KLF12: variants seen among roughly 807,000 people sequenced by gnomAD.
KLF12 encodes the protein Krueppel-like factor 12.
A neutral mutation model predicts 37.8 loss-of-function variants in KLF12; 9 were observed. The ratio of observed to expected loss-of-function variants is 0.24; its 90% CI spans 0.14 to 0.42. The LOEUF (loss-of-function observed/expected upper bound fraction) is 0.42, where lower values mean the gene tolerates loss of function less well. Ranked by LOEUF, KLF12 falls within the 10% of genes least tolerant of loss-of-function variation. KLF12 has a pLI of 1.00. For missense variants in KLF12, 411 were observed against 516.0 expected (o/e 0.80, Z 1.97); for synonymous variants, 208 against 202.1 (o/e 1.03, Z -0.25).
chr13:73,723,049 TA>T (rs1394085344), intron 6 of KLF12, among the ~76,000 whole-genome samples: 6 of 152,332 alleles, frequency 3.9e-5, no homozygotes, highest in African/African-American at 1.4e-4. Context: ...TGTTTCAACA[TA>T]TTTCAGCAAG....
chr13:73,708,404 T>C (rs1039037883), intron 7 of KLF12, among the ~76,000 whole-genome samples: 1 of 152,204 alleles, frequency 6.6e-6, no homozygotes, highest in Non-Finnish European at 1.5e-5. Context: ...AAAAATTTGA[T>C]TTTATCTTTA....
At chr13:74,279,869 T>A in the KLF12 span, among the ~76,000 whole-genome samples, 1 of 152,174 alleles carries the variant, frequency 6.6e-6, no homozygotes, top group African/African-American at 2.4e-5. Flanking sequence ...TTCTCATGGT[T>A]AAAGGGGATC....
the KLF12 span, among the ~76,000 whole-genome samples, chr13:74,143,610 T>C: frequency 6.6e-6 from 1 of 152,206 alleles, no homozygotes; most frequent in Non-Finnish European, 1.5e-5. Context: ...GTTGCAAAAC[T>C]CACAAGCACT....
chr13:73,896,368 A>AT (rs945178273), intron 3 of KLF12, among the ~76,000 whole-genome samples: 5 of 152,042 alleles, frequency 3.3e-5, no homozygotes, highest in Admixed American at 3.3e-4. Flanking sequence ...TGAGAATGAG[A>AT]TTTTTTTCAA....
chr13:74,026,400 T>C (rs1892977624), intron 1 of KLF12, among the ~76,000 whole-genome samples: 1 of 152,184 alleles, frequency 6.6e-6, no homozygotes, highest in Non-Finnish European at 1.5e-5. Context: ...AAACATCACC[T>C]TGTATTATAC....
the KLF12 span, among the ~76,000 whole-genome samples, chr13:74,249,083 C>T: frequency 1.1e-4 from 16 of 152,044 alleles, no homozygotes; most frequent in South Asian, 6.2e-4. Context: ...GCCAGACAAA[C>T]GTGAGTCCAA....
chr13:73,948,792 C>T (rs921924304), intron 2 of KLF12, among the ~76,000 whole-genome samples: 1 of 152,144 alleles, frequency 6.6e-6, no homozygotes, highest in Non-Finnish European at 1.5e-5. Flanking sequence ...TATATACAAG[C>T]ACATTAGTGA....
At chr13:73,799,294 A>ATT (rs1325055907) in intron 5 of KLF12, among the ~76,000 whole-genome samples, 1 of 152,178 alleles carries the variant, frequency 6.6e-6, no homozygotes, top group Non-Finnish European at 1.5e-5. Flanking sequence ...AGCAAAAAAG[A>ATT]TAACTATTGG....
intron 1 of KLF12, among the ~76,000 whole-genome samples, chr13:74,005,872 C>T (rs1177365845): frequency 6.6e-6 from 1 of 152,144 alleles, no homozygotes; most frequent in Non-Finnish European, 1.5e-5. Context: ...TTACAACATG[C>T]TTCAGTCTTC....
the KLF12 span, among the ~76,000 whole-genome samples, chr13:74,239,270 C>T: frequency 5.3e-5 from 8 of 152,046 alleles, 1 homozygote; most frequent in East Asian, 1.4e-3. Flanking sequence ...ATTCTTAATC[C>T]TGAGTCCTAG....
the KLF12 span, among the ~76,000 whole-genome samples, chr13:74,231,909 A>G: frequency 6.6e-6 from 1 of 152,204 alleles, no homozygotes; most frequent in African/African-American, 2.4e-5. Flanking sequence ...TTAGGTTTGT[A>G]TATTAAGGAG....
chr13:74,294,149 G>GT, the KLF12 span, among the ~76,000 whole-genome samples: 27 of 152,338 alleles, frequency 1.8e-4, no homozygotes, highest in Admixed American at 2.6e-4. Context: ...GCTGGTCTGT[G>GT]AACCACACTT....
chr13:73,770,526 T>C (rs1183630422), intron 5 of KLF12, among the ~76,000 whole-genome samples: 1 of 39,094 alleles, frequency 2.6e-5, no homozygotes, highest in Non-Finnish European at 7.7e-5. Context: ...ATATGTGAAC[T>C]TTTTTTTTTT....
At chr13:73,964,393 A>C (rs1891114005) in intron 2 of KLF12, among the ~76,000 whole-genome samples, 1 of 152,164 alleles carries the variant, frequency 6.6e-6, no homozygotes, top group South Asian at 2.1e-4. Flanking sequence ...CAGAAGCTCA[A>C]AACAGCCTAC....
intron 5 of KLF12, chr13:73,800,424 G>C (rs1882224122): frequency 6.6e-6 from 1 of 152,038 alleles, no homozygotes; most frequent in African/African-American, 2.4e-5. Flanking sequence ...TTACGAATTA[G>C]ATTAGAAAAA....
At chr13:73,951,589 A>T (rs1332194763) in intron 2 of KLF12, among the ~76,000 whole-genome samples, 1 of 152,168 alleles carries the variant, frequency 6.6e-6, no homozygotes, top group Admixed American at 6.5e-5. Context: ...ATATCAAGAG[A>T]CCAAGTACCA....
rs543239697 is a variant in KLF12 at position 73,822,298 on chromosome 13, T to A, written c.671-9011A>T. Among the ~76,000 whole-genome samples the A allele has an allele frequency of 1.5e-4, 23 of 152,408 alleles. No individual in the cohort carries two copies. The South Asian group carries it at 4.3e-3, about 29-fold the overall frequency. ...GATGACATGGGAATGAAAACGTTCA[T>A]AATTTTTATTCACTTTTCAGCTAAA... On this transcript the variant is annotated intron_variant, in intron 4 of 7. Coordinates refer to ENST00000377669, the MANE Select transcript of KLF12 (RefSeq NM_007249.5).
At chr13:73,871,893 C>T (rs954689653) in intron 3 of KLF12, among the ~76,000 whole-genome samples, 4 of 152,074 alleles carry the variant, frequency 2.6e-5, no homozygotes, top group Non-Finnish European at 5.9e-5. Flanking sequence ...CTTGTAGTTT[C>T]GAATGACATT....
chr13:74,042,763 C>A (rs1416133288), intron 1 of KLF12, among the ~76,000 whole-genome samples: 2 of 152,160 alleles, frequency 1.3e-5, no homozygotes, highest in Non-Finnish European at 2.9e-5. Flanking sequence ...TTCAATCAGA[C>A]AGATAAGATC....
Sources: gnomAD v4.1 joint callset for allele counts (sites outside exome capture counted in the v4.1 genomes callset) on GRCh38, gnomAD v4.1.1 for gene constraint, MANE v1.5 for transcripts, NCBI Gene and HGNC (gene_info 2026-07-23, HGNC 2026-07-21) for gene names.